NARS2: variants seen among roughly 807,000 people sequenced by gnomAD.
NARS2 encodes asparaginyl-tRNA synthetase 2, mitochondrial.
NARS2 carries 60 observed loss-of-function variants against 62.9 expected under a neutral mutation model. The ratio of observed to expected loss-of-function variants is 0.95; its 90% CI spans 0.77 to 1.18. NARS2 has a LOEUF of 1.18. Among genes scored for constraint, NARS2 ranks in the 50% most tolerant of loss-of-function variants. The pLI, the probability that NARS2 is intolerant of heterozygous loss-of-function variation, is 0.00. For missense variants in NARS2, 619 were observed against 576.4 expected, an observed-to-expected ratio of 1.07 and a Z score of -0.76; for synonymous variants, 196 against 200.0, an observed-to-expected ratio of 0.98 and a Z score of 0.17.
At chr11:78,494,469 C>CTTTTTTT (rs11437113) in intron 6 of NARS2, among the ~76,000 whole-genome samples, 93 of 132,896 alleles carry the variant, frequency 7.0e-4, no homozygotes, top group Middle Eastern at 3.8e-3. Flanking sequence ...TTTTCTTTTT[C>CTTTTTTT]TTTTTTTTTT....
At chr11:78,560,114 A>G (rs527573281) in intron 4 of NARS2, among the ~76,000 whole-genome samples, 2 of 152,322 alleles carry the variant, frequency 1.3e-5, no homozygotes, top group South Asian at 2.1e-4. Flanking sequence ...TATGACCTCA[A>G]TTGTAATGAA....
intron 1 of NARS2, chr11:78,571,760 G>C (rs1352129330): frequency 9.0e-6 from 2 of 223,450 alleles, no homozygotes; most frequent in Admixed American, 1.0e-4. Context: ...TTTCCTCCCA[G>C]AGCCCTGCCC....
intron 6 of NARS2, among the ~76,000 whole-genome samples, chr11:78,525,148 G>A (rs745672811): frequency 2.0e-5 from 3 of 152,066 alleles, no homozygotes; most frequent in Non-Finnish European, 4.4e-5. Context: ...AAGGAAGAAT[G>A]GCTAGGCAGA....
intron 9 of NARS2, among the ~76,000 whole-genome samples, chr11:78,470,327 G>C (rs1477420538): frequency 6.6e-6 from 1 of 152,090 alleles, no homozygotes; most frequent in Non-Finnish European, 1.5e-5. Flanking sequence ...AAAAAATCAA[G>C]ATGTATAAGA....
At chr11:78,491,713 T>C (rs572022968) in intron 7 of NARS2, among the ~76,000 whole-genome samples, 4 of 152,280 alleles carry the variant, frequency 2.6e-5, no homozygotes, top group African/African-American at 9.6e-5. Flanking sequence ...TCAATGTGAC[T>C]TTCTTCCTTT....
intron 9 of NARS2, among the ~76,000 whole-genome samples, chr11:78,472,373 T>A (rs745629664): frequency 5.3e-5 from 8 of 152,218 alleles, no homozygotes; most frequent in Non-Finnish European, 1.0e-4. Flanking sequence ...TTCATTATTC[T>A]GAAGCTGTTA....
At chr11:78,551,918 G>T (rs1438112229) in intron 5 of NARS2, among the ~76,000 whole-genome samples, 1 of 151,808 alleles carries the variant, frequency 6.6e-6, no homozygotes, top group Non-Finnish European at 1.5e-5. Context: ...CATTCCTAAA[G>T]CTATCCAACT....
chr11:78,443,850 T>C (rs779891573), intron 11 of NARS2, 92 bp from the exon 12 acceptor site: 37 of 849,426 alleles, frequency 4.4e-5, no homozygotes, highest in Non-Finnish European at 5.8e-5. Flanking sequence ...ATTTTGGCAA[T>C]GGCTAATTAA....
rs117254658 is a variant in NARS2, at chr11:78,490,248, A to G, written c.822+2815T>C. On this transcript the variant is annotated intron_variant, in intron 7 of 13. Transcript: ENST00000281038. The stretch of plus-strand genomic sequence containing the variant: ...CTACCTCCTTGCCCAGGCCCACCCC[A>G]TCTAAAGCCACTGGACAAGTAACTG... Among the ~76,000 whole-genome samples the G allele has an allele frequency of 3.0e-3, 453 of 152,286 alleles. 2 individuals are homozygous for G. Among genetic ancestry groups the G allele is most frequent in the Non-Finnish European group, 5.0e-3 (343 of 68,012 alleles).
At chr11:78,514,089 T>C (rs930881584) in intron 6 of NARS2, among the ~76,000 whole-genome samples, 1 of 152,138 alleles carries the variant, frequency 6.6e-6, no homozygotes, top group Non-Finnish European at 1.5e-5. Context: ...CGTTAGCCAA[T>C]TCAACCTATT....
chr11:78,557,116 GA>G (rs1412258342), intron 5 of NARS2, among the ~76,000 whole-genome samples: 1 of 152,178 alleles, frequency 6.6e-6, no homozygotes, highest in Non-Finnish European at 1.5e-5. Flanking sequence ...TGAGGGAAAG[GA>G]AGAGTAAAAT....
In NARS2 at chr11:78,509,777, G is replaced by A. The variant is rs534565381; in HGVS notation, c.690-16582C>T. ...AGGAGGTGGAGGATGCAGTAAGCTG[G>A]GATCGTGCCACTGCACTCCAGCCTG... On this transcript the variant is annotated intron_variant, in intron 6 of 13. Coordinates refer to ENST00000281038, the MANE Select transcript of NARS2 (RefSeq NM_024678.6). Among the ~76,000 whole-genome samples the A allele has an allele frequency of 3.5e-4, 53 of 149,908 alleles. No individual in the cohort carries two copies. In the South Asian group the frequency reaches 0.011, roughly 30 times the overall value.
At chr11:78,554,638 C>T (rs1327482174) in intron 5 of NARS2, among the ~76,000 whole-genome samples, 1 of 152,044 alleles carries the variant, frequency 6.6e-6, no homozygotes, top group African/African-American at 2.4e-5. Context: ...TGCAACTTTG[C>T]TCAAGTTATT....
At chr11:78,496,229 A>C (rs1860051212) in intron 6 of NARS2, among the ~76,000 whole-genome samples, 1 of 152,134 alleles carries the variant, frequency 6.6e-6, no homozygotes, top group Non-Finnish European at 1.5e-5. Flanking sequence ...AATAATGATC[A>C]CCCTATGTCA....
At chr11:78,500,864 G>A (rs181499608) in intron 6 of NARS2, among the ~76,000 whole-genome samples, 3 of 152,288 alleles carry the variant, frequency 2.0e-5, no homozygotes, top group Middle Eastern at 3.4e-3. Flanking sequence ...AGGCCGAGGC[G>A]GGTGGATCTT....
chr11:78,485,013 T>C (rs1453826726), intron 7 of NARS2, among the ~76,000 whole-genome samples: 1 of 152,022 alleles, frequency 6.6e-6, no homozygotes, highest in African/African-American at 2.4e-5. Flanking sequence ...CTGGATACTG[T>C]GATAGACTGG....
At chr11:78,510,454 T>C (rs991091579) in intron 6 of NARS2, among the ~76,000 whole-genome samples, 1 of 152,110 alleles carries the variant, frequency 6.6e-6, no homozygotes, top group Non-Finnish European at 1.5e-5. Context: ...TACCTAATGA[T>C]GGACCATCAA....
At chr11:78,479,744 T>G (rs1227015522) in intron 7 of NARS2, among the ~76,000 whole-genome samples, 1 of 152,254 alleles carries the variant, frequency 6.6e-6, no homozygotes, top group Non-Finnish European at 1.5e-5. Flanking sequence ...AGGTATCTTC[T>G]CTTCCTCTGT....
intron 5 of NARS2, among the ~76,000 whole-genome samples, chr11:78,541,757 A>C (rs959066642): frequency 6.6e-6 from 1 of 152,178 alleles, no homozygotes; most frequent in South Asian, 2.1e-4. Flanking sequence ...TAAATCTGTC[A>C]TACAGTCTCC....
Sources: allele counts gnomAD v4.1 joint callset (sites outside exome capture counted in the v4.1 genomes callset), GRCh38; gene constraint gnomAD v4.1.1; transcripts MANE v1.5; gene names NCBI Gene and HGNC (gene_info 2026-07-23, HGNC 2026-07-21).